Variants in TNKS observed in about 807,000 individuals in gnomAD.
TNKS encodes the protein tankyrase.
TNKS carries 72 observed loss-of-function variants against 135.8 expected under a neutral mutation model. That is an observed-to-expected ratio of 0.53 (90% CI 0.44 to 0.64). The LOEUF is 0.64. Among genes scored for constraint, TNKS ranks in the 30% least tolerant of loss-of-function variants. The pLI is 0.00. For synonymous variants in TNKS, 849 were observed against 649.3 expected (o/e 1.31, Z -4.68); for missense variants, 1,769 against 1,674.0 (o/e 1.06, Z -0.99).
intron 5 of TNKS, among the ~76,000 whole-genome samples, chr8:9,694,238 C>G (rs1273015482): frequency 6.6e-6 from 1 of 152,108 alleles, no homozygotes; most frequent in African/African-American, 2.4e-5. Flanking sequence ...AAATGTAAAT[C>G]AAAAGCTGAC....
At chr8:9,581,049 C>T (rs532703634) in intron 2 of TNKS, among the ~76,000 whole-genome samples, 1 of 152,204 alleles carries the variant, frequency 6.6e-6, no homozygotes, top group Non-Finnish European at 1.5e-5. Flanking sequence ...TTGAGTGTAT[C>T]ATCTGTTTTT....
chr8:9,638,825 A>G (rs79101529), intron 3 of TNKS, among the ~76,000 whole-genome samples: 13,284 of 152,216 alleles, frequency 0.087, 612 homozygotes, highest in South Asian at 0.17. Flanking sequence ...AAAAAATAGG[A>G]TGAGGATGAA....
intron 3 of TNKS, among the ~76,000 whole-genome samples, chr8:9,649,719 C>T (rs1263920897): frequency 6.6e-6 from 1 of 151,678 alleles, no homozygotes; most frequent in East Asian, 1.9e-4. Context: ...TGAGAATACA[C>T]GATATTTGGT....
Position 9,596,924 on chromosome 8 carries a change from G to A in TNKS, c.898+16541G>A, listed in dbSNP as rs1016817628. ...TCACTGTCATAGGTATTTTTCAAGC[G>A]TTCCCACAGGGGAACTGTGATGGGC... is the stretch of plus-strand genomic sequence containing the variant. On this transcript the variant is annotated intron_variant, in intron 2 of 26. Coordinates refer to ENST00000310430, the MANE Select transcript of TNKS (RefSeq NM_003747.3). 2.6e-5 allele frequency among the ~76,000 whole-genome samples: 4 copies of A among 152,208 alleles called. No homozygotes were observed. In the East Asian group the frequency reaches 5.8e-4, roughly 22 times the overall value.
chr8:9,710,827 C>T (rs1022509781), intron 11 of TNKS, among the ~76,000 whole-genome samples: 13 of 151,848 alleles, frequency 8.6e-5, no homozygotes, highest in Non-Finnish European at 1.6e-4. Context: ...ACCTGGGAGG[C>T]GAAGCTTGCA....
chr8:9,575,284 A>G (rs1797904900), intron 1 of TNKS: 1 of 628,968 alleles, frequency 1.6e-6, no homozygotes, highest in Non-Finnish European at 2.0e-6. Flanking sequence ...GACGGGTTTC[A>G]CCATGTTAGC....
chr8:9,714,827 C>T (rs576050779), intron 11 of TNKS, among the ~76,000 whole-genome samples: 17 of 152,246 alleles, frequency 1.1e-4, no homozygotes, highest in African/African-American at 4.1e-4. Flanking sequence ...TGATTTTCTA[C>T]TTGAAGTTGA....
chr8:9,657,219 T>A (rs1435799526), intron 3 of TNKS, among the ~76,000 whole-genome samples: 1 of 125,506 alleles, frequency 8.0e-6, no homozygotes. Context: ...GCCCCTCACC[T>A]CCCGGACGGG....
At chr8:9,727,553 A>G (rs748177432) in intron 13 of TNKS, among the ~76,000 whole-genome samples, 3 of 152,200 alleles carry the variant, frequency 2.0e-5, no homozygotes, top group Non-Finnish European at 4.4e-5. Context: ...CTGAGACTAC[A>G]GGTGTGCACC....
intron 3 of TNKS, among the ~76,000 whole-genome samples, chr8:9,659,452 C>T (rs531199882): frequency 6.6e-6 from 1 of 152,170 alleles, no homozygotes; most frequent in Non-Finnish European, 1.5e-5. Flanking sequence ...TACTCAACTA[C>T]ATGGAAACTG....
At chr8:9,660,587 C>T (rs1481759410) in intron 3 of TNKS, among the ~76,000 whole-genome samples, 1 of 152,150 alleles carries the variant, frequency 6.6e-6, no homozygotes, top group African/African-American at 2.4e-5. Flanking sequence ...GGACGTATCT[C>T]AAAATAATAA....
intron 26 of TNKS, among the ~76,000 whole-genome samples, chr8:9,776,132 TGAGTA>T (rs1402590773): frequency 6.6e-6 from 1 of 152,220 alleles, no homozygotes; most frequent in Non-Finnish European, 1.5e-5. Context: ...ATGATGCCTT[TGAGTA>T]GTCAGTTTTT....
chr8:9,679,640 A>G (rs1458111983), intron 3 of TNKS: 1 of 282,106 alleles, frequency 3.5e-6, no homozygotes, highest in Non-Finnish European at 6.8e-6. Flanking sequence ...GGGAGGGGAC[A>G]TTGTCTTCAG....
intron 2 of TNKS, among the ~76,000 whole-genome samples, chr8:9,595,415 C>A (rs1402646337): frequency 6.6e-6 from 1 of 152,136 alleles, no homozygotes. Flanking sequence ...TCCGCTGACA[C>A]TGAGTACTCT....
intron 1 of TNKS, among the ~76,000 whole-genome samples, chr8:9,571,774 G>T (rs1797768155): frequency 6.6e-6 from 1 of 152,162 alleles, no homozygotes; most frequent in South Asian, 2.1e-4. Flanking sequence ...ATTCCATGTT[G>T]TTGCCACTTT....
chr8:9,684,733 C>G (rs74559665), intron 5 of TNKS, among the ~76,000 whole-genome samples: 3,326 of 152,192 alleles, frequency 0.022, 77 homozygotes, highest in African/African-American at 0.061. Flanking sequence ...TCCTTTCATT[C>G]ATTCATTCCA....
intron 2 of TNKS, among the ~76,000 whole-genome samples, chr8:9,582,887 G>A (rs998217937): frequency 6.6e-6 from 1 of 151,994 alleles, no homozygotes; most frequent in Non-Finnish European, 1.5e-5. Flanking sequence ...CCATTTAGGG[G>A]CAGGCGCGGT....
At chr8:9,722,787 C>T (rs1804955902) in intron 12 of TNKS, among the ~76,000 whole-genome samples, 1 of 152,092 alleles carries the variant, frequency 6.6e-6, no homozygotes, top group African/African-American at 2.4e-5. Flanking sequence ...ATAAGTCAGG[C>T]AAACACATAG....
At chr8:9,582,937 T>C (rs1033963911) in intron 2 of TNKS, among the ~76,000 whole-genome samples, 3 of 151,914 alleles carry the variant, frequency 2.0e-5, no homozygotes, top group African/African-American at 7.3e-5. Context: ...GAGGCTGAGA[T>C]GGGCAGAGCA....
Sources: allele counts gnomAD v4.1 joint callset (sites outside exome capture counted in the v4.1 genomes callset), GRCh38; gene constraint gnomAD v4.1.1; transcripts MANE v1.5; gene names NCBI Gene and HGNC (gene_info 2026-07-23, HGNC 2026-07-21).